TNS1: variants seen among roughly 807,000 people sequenced by gnomAD.
The protein encoded by TNS1 is tensin 1.
In TNS1, 62 loss-of-function variants were observed where a neutral mutation model predicts 168.6. The ratio of observed to expected loss-of-function variants is 0.37; its 90% CI spans 0.30 to 0.45. TNS1 has a LOEUF of 0.45. Among genes scored for constraint, TNS1 ranks in the 20% least tolerant of loss-of-function variants. The probability of loss-of-function intolerance (pLI) is 1.00; values close to 1 mark genes in which losing one functional copy is unlikely to be tolerated. For missense variants in TNS1, 2,240 were observed against 2,339.4 expected (o/e 0.96, Z 0.88); for synonymous variants, 934 against 933.2 (o/e 1.00, Z -0.02).
chr2:217,914,312 G>T (rs1954759097), intron 4 of TNS1, among the ~76,000 whole-genome samples: 1 of 152,168 alleles, frequency 6.6e-6, no homozygotes, highest in Non-Finnish European at 1.5e-5. Flanking sequence ...TCAAAGTGGG[G>T]ATTACAGGGG....
At chr2:217,829,063 A>T (rs1313578922) in intron 22 of TNS1, among the ~76,000 whole-genome samples, 1 of 152,174 alleles carries the variant, frequency 6.6e-6, no homozygotes, top group Non-Finnish European at 1.5e-5. Flanking sequence ...TACAGTGCAC[A>T]GGGCAGCACC....
intron 18 of TNS1, chr2:217,850,483 G>T (rs1300059225): frequency 2.0e-6 from 2 of 984,838 alleles, no homozygotes; most frequent in African/African-American, 3.5e-5. Context: ...GGTGGCTCGG[G>T]GCCAAAGGGC....
intron 18 of TNS1, among the ~76,000 whole-genome samples, chr2:217,866,792 C>T (rs1381851230): frequency 2.6e-5 from 4 of 152,134 alleles, no homozygotes; most frequent in Admixed American, 6.5e-5. Context: ...CTGGCCTCTC[C>T]CCTCCCCCAT....
chr2:217,991,256 C>T (rs536402828), intron 1 of TNS1, among the ~76,000 whole-genome samples, 200 bp from the exon 2 acceptor site: 1 of 152,184 alleles, frequency 6.6e-6, no homozygotes, highest in African/African-American at 2.4e-5. Flanking sequence ...CAGGTGGGGC[C>T]CATGGCCTGA....
chr2:217,885,254 C>T (rs1024147914), intron 15 of TNS1, 90 bp from the exon 16 acceptor site: 1 of 1,558,600 alleles, frequency 6.4e-7, no homozygotes, highest in African/African-American at 1.4e-5. Context: ...GCTGACTGAG[C>T]CCCCAAGGCT....
At chr2:217,903,324 G>A (rs1953238931) in intron 6 of TNS1, among the ~76,000 whole-genome samples, 1 of 152,126 alleles carries the variant, frequency 6.6e-6, no homozygotes, top group South Asian at 2.1e-4. Context: ...CGTCTCATTT[G>A]TCCATCTGTA....
At chr2:217,920,318 TCCCCC>T in intron 3 of TNS1, 82 bp from the exon 4 acceptor site, 3 of 696,920 alleles carry the variant, frequency 4.3e-6, no homozygotes, top group Admixed American at 2.0e-5. Flanking sequence ...ACCCCACACC[TCCCCC>T]TGCTTCATTC....
chr2:217,911,208 C>A (rs1954367093), intron 4 of TNS1, among the ~76,000 whole-genome samples: 1 of 152,184 alleles, frequency 6.6e-6, no homozygotes, highest in South Asian at 2.1e-4. Flanking sequence ...CTTCCAGAGT[C>A]CCCCCTTACC....
intron 19 of TNS1, among the ~76,000 whole-genome samples, chr2:217,837,651 C>T (rs1484807026): frequency 1.3e-5 from 2 of 152,372 alleles, no homozygotes; most frequent in South Asian, 4.1e-4. Flanking sequence ...AGGGGCAGCC[C>T]TGCTGCCATC....
chr2:217,940,813 C>A (rs2125937289), intron 3 of TNS1, among the ~76,000 whole-genome samples: 1 of 152,236 alleles, frequency 6.6e-6, no homozygotes, highest in African/African-American at 2.4e-5. Flanking sequence ...GGGTTTCAAG[C>A]CCACCCGGAA....
intron 1 of TNS1, among the ~76,000 whole-genome samples, chr2:218,028,132 A>G (rs889400843): frequency 6.6e-6 from 1 of 152,132 alleles, no homozygotes; most frequent in Non-Finnish European, 1.5e-5. Context: ...GTCTTTTCTC[A>G]TGCTCTTCAA....
chr2:217,904,035 T>C (rs1418336090), intron 6 of TNS1, among the ~76,000 whole-genome samples: 1 of 151,900 alleles, frequency 6.6e-6, no homozygotes, highest in Non-Finnish European at 1.5e-5. Flanking sequence ...GGGAGGAGGG[T>C]CTGTAAGCGA....
At chr2:217,957,575 C>G (rs1163419434) in intron 3 of TNS1, among the ~76,000 whole-genome samples, 1 of 152,086 alleles carries the variant, frequency 6.6e-6, no homozygotes, top group Non-Finnish European at 1.5e-5. Flanking sequence ...TGGAAATAGA[C>G]AGAGGCCTGA....
chr2:217,836,199 C>A lies in TNS1; in HGVS notation c.3020G>T (p.Arg1007Leu), dbSNP rs200499669. 2 of 1,609,996 alleles carry A rather than the reference C, an allele frequency of 1.2e-6. No homozygotes were observed. The highest frequency in any genetic ancestry group is 1.7e-5 in the Admixed American group (1 of 59,860). Residue 1007 changes from arginine (R) to leucine (L), a missense_variant, in exon 20 of 33, where the codon CGG (arginine) becomes CTG (leucine). By Grantham distance (102) the Arg-to-Leu change is moderately radical (BLOSUM62 -2). Transcript: ENST00000682258. ...TGGGGGCTCTGCAGGCTGCTTCTCC[C>A]GAGCCTGTACCCCTGGGAGGAAAGC... is the stretch of plus-strand genomic sequence containing the variant. ...VAHRVAGVQA[R>L]EKQPAEPPAP... is the part of the protein sequence containing the mutation.
intron 18 of TNS1, chr2:217,879,548 T>C (rs1427150451): frequency 5.5e-6 from 2 of 364,122 alleles, no homozygotes; most frequent in Non-Finnish European, 1.1e-5. Context: ...CTGAGGCAGG[T>C]GTGAGGACAG....
At chr2:217,812,248 CTG>C in intron 28 of TNS1, 118 bp downstream of exon 28, 2 of 702,858 alleles carry the variant, frequency 2.8e-6, no homozygotes, top group Non-Finnish European at 4.6e-6. Context: ...TTTCTCCAGA[CTG>C]GCAAAATGAC....
intron 1 of TNS1, among the ~76,000 whole-genome samples, chr2:217,996,611 A>T (rs1397884496): frequency 1.3e-5 from 2 of 151,884 alleles, no homozygotes; most frequent in Non-Finnish European, 2.9e-5. Context: ...CCCACCCCCA[A>T]CTAACCAGTT....
chr2:217,917,040 G>A (rs544536000), intron 4 of TNS1, among the ~76,000 whole-genome samples: 6 of 152,252 alleles, frequency 3.9e-5, no homozygotes, highest in African/African-American at 1.2e-4. Flanking sequence ...TGCCTCGCCC[G>A]CCCGTGAGGA....
intron 19 of TNS1, among the ~76,000 whole-genome samples, chr2:217,845,481 G>C (rs1341053680): frequency 6.6e-6 from 1 of 152,198 alleles, no homozygotes; most frequent in Admixed American, 6.5e-5. Flanking sequence ...CATAAATTCT[G>C]TCATAATGAC....
Sources: allele counts gnomAD v4.1 joint callset (sites outside exome capture counted in the v4.1 genomes callset), GRCh38; gene constraint gnomAD v4.1.1; transcripts MANE v1.5; gene names NCBI Gene and HGNC (gene_info 2026-07-23, HGNC 2026-07-21).